The following DPYSL2 variants were observed in gnomAD, a reference collection of about 807,000 sequenced individuals.
The protein encoded by DPYSL2 is dihydropyrimidinase like 2.
A neutral mutation model predicts 69.9 loss-of-function variants in DPYSL2; 13 were observed. The observed-to-expected ratio is 0.19, with a 90% CI of 0.12 to 0.30. DPYSL2 has a LOEUF of 0.30. Ranked by LOEUF, DPYSL2 falls within the 10% of genes least tolerant of loss-of-function variation. The probability of loss-of-function intolerance (pLI) is 1.00; values close to 1 mark genes in which losing one functional copy is unlikely to be tolerated. For missense variants in DPYSL2, 587 were observed against 918.9 expected (o/e 0.64, Z 4.67); for synonymous variants, 326 against 359.1 (o/e 0.91, Z 1.04).
chr8:26,612,587 C>T (rs1292446746), intron 3 of DPYSL2, among the ~76,000 whole-genome samples: 1 of 152,168 alleles, frequency 6.6e-6, no homozygotes, highest in Non-Finnish European at 1.5e-5. Flanking sequence ...TGTGGTGGCT[C>T]ACGCCTGTAA....
chr8:26,606,961 C>G (rs1321075858), intron 3 of DPYSL2, among the ~76,000 whole-genome samples: 1 of 152,148 alleles, frequency 6.6e-6, no homozygotes, highest in Non-Finnish European at 1.5e-5. Flanking sequence ...ATGGCCCTTT[C>G]TGGAGGGTAA....
intron 1 of DPYSL2, chr8:26,548,242 T>G: frequency 4.8e-6 from 1 of 208,144 alleles, no homozygotes; most frequent in African/African-American, 2.3e-5. Flanking sequence ...TGTAATGGAT[T>G]ATTACCAGGC....
chr8:26,565,029 T>C lies in DPYSL2; in HGVS notation c.355-16940T>C, dbSNP rs1291286273. On this transcript the variant is annotated intron_variant, in intron 1 of 13. Transcript: ENST00000521913. This position sits in a 1 kb window ranked among gnomAD's most constrained non-coding sequence, Gnocchi z 4.1. ...ATAAGTGAGAACATACAGTGTTTAG[T>C]TTTCCACTCTTGTGTTACTTCACTT... Among the ~76,000 whole-genome samples the C allele has an allele frequency of 6.6e-6, 1 of 152,214 alleles. No homozygotes were observed. Among genetic ancestry groups the C allele is most frequent in the Non-Finnish European group, 1.5e-5 (1 of 68,042 alleles).
rs77991799 is a variant in DPYSL2, at chr8:26,617,084, C to T, written c.629-7059C>T. Among the ~76,000 whole-genome samples the T allele has an allele frequency of 3.2e-3, 494 of 152,312 alleles. No individual in the cohort carries two copies. Among genetic ancestry groups the T allele is most frequent in the Middle Eastern group, 6.8e-3 (2 of 294 alleles). On this transcript the variant is annotated intron_variant, in intron 3 of 13. Transcript: ENST00000521913. The surrounding 1 kb of genome is among the most constrained non-coding windows in gnomAD (Gnocchi z 4.7). ...TTTAATTACAAAGGGCCCCTTGAGA[C>T]CTTGTCAGAAATACTGCCAGCCTAG...
chr8:26,618,522 T>C (rs1279855910), intron 3 of DPYSL2, among the ~76,000 whole-genome samples: 5 of 148,888 alleles, frequency 3.4e-5, no homozygotes, highest in Non-Finnish European at 7.4e-5. Flanking sequence ...TCTCACTATG[T>C]TACCCAGGCT....
rs533272134 is a variant in DPYSL2, at chr8:26,587,214, C to G, written c.628+3231C>G. Reference sequence around the variant, plus strand: ...ATGCCACTTCATTGGCACCTAAGACCTGCTACTTTCTTTGACTTAATATAT... The same window carrying G: ...ATGCCACTTCATTGGCACCTAAGACGTGCTACTTTCTTTGACTTAATATAT... On this transcript the variant is annotated intron_variant, in intron 3 of 13. Coordinates refer to ENST00000521913, the MANE Select transcript of DPYSL2 (RefSeq NM_001197293.3). This position sits in a 1 kb window ranked among gnomAD's most constrained non-coding sequence, Gnocchi z 4.2. Among the ~76,000 whole-genome samples, 3 of 152,350 alleles carry G rather than the reference C, an allele frequency of 2.0e-5. No individual in the cohort carries two copies. Among genetic ancestry groups the G allele is most frequent in the African/African-American group, 7.2e-5 (3 of 41,596 alleles).
intron 1 of DPYSL2, among the ~76,000 whole-genome samples, chr8:26,558,161 T>C (rs571375588): frequency 4.3e-4 from 66 of 152,290 alleles, no homozygotes; most frequent in African/African-American, 1.6e-3. Flanking sequence ...AGCAGCTTTA[T>C]TCATGATTGC....
At chr8:26,553,345 A>G (rs1329320888) in intron 1 of DPYSL2, among the ~76,000 whole-genome samples, 1 of 138,996 alleles carries the variant, frequency 7.2e-6, no homozygotes, top group African/African-American at 2.6e-5. Context: ...CTAGTACCCA[A>G]TACTTATTTT....
intron 1 of DPYSL2, among the ~76,000 whole-genome samples, chr8:26,529,738 T>C (rs1001691770): frequency 4.0e-5 from 6 of 151,546 alleles, no homozygotes; most frequent in Admixed American, 1.3e-4. Context: ...ATTTTTTTTT[T>C]TTTTTTTTTT....
Position 26,626,504 on chromosome 8 carries a change from CACACACACACACACACACGT to C in DPYSL2, c.794-103_794-84del. Reference sequence around the variant, plus strand: ...TGAAACACACACACACACACACACACACACACACACACACACACGTACACACACAGACAGTATTATCACTT... The same window carrying C: ...TGAAACACACACACACACACACACACACACACACAGACAGTATTATCACTT... On this transcript the variant is annotated intron_variant, in intron 4 of 13. Transcript: ENST00000521913. This position sits in a 1 kb window ranked among gnomAD's most constrained non-coding sequence, Gnocchi z 4.3. 1.2e-6 allele frequency: 1 copy of C among 821,896 alleles called. No homozygotes were observed. Among genetic ancestry groups the C allele is most frequent in the Non-Finnish European group, 2.0e-6 (1 of 502,622 alleles). The allele number at this position is 821,896 out of a possible 1,614,324, so 50.9% of individuals were successfully genotyped here.
chr8:26,581,764 A>G (rs563769304), intron 1 of DPYSL2, among the ~76,000 whole-genome samples: 28 of 151,866 alleles, frequency 1.8e-4, no homozygotes, highest in African/African-American at 6.8e-4. Context: ...TTTATCTAGG[A>G]TAAGCTGTCC....
chr8:26,618,480 TG>T (rs541654953), intron 3 of DPYSL2, among the ~76,000 whole-genome samples: 8 of 100,606 alleles, frequency 8.0e-5, no homozygotes, highest in Non-Finnish European at 1.3e-4. Flanking sequence ...GCCCGGGTAA[TG>T]TTTTTTTTTT....
rs1481226838 is a variant in DPYSL2 at position 26,650,892 on chromosome 8, A to G, written c.1597-1365A>G. ...TGGTCCAGAACAATGTCAAGCTGAG[A>G]ATTTACTGTAAAATGCCCTCAGTGG... On this transcript the variant is annotated intron_variant, in intron 11 of 13. Transcript: ENST00000521913. The surrounding 1 kb of genome is among the most constrained non-coding windows in gnomAD (Gnocchi z 5.3). Among the ~76,000 whole-genome samples the G allele has an allele frequency of 2.0e-5, 3 of 152,190 alleles. No individual in the cohort carries two copies. The highest frequency in any genetic ancestry group is 4.4e-5 in the Non-Finnish European group (3 of 68,032).
intron 1 of DPYSL2, among the ~76,000 whole-genome samples, chr8:26,524,787 G>T (rs1808447776): frequency 9.7e-6 from 1 of 102,756 alleles, no homozygotes; most frequent in Non-Finnish European, 1.7e-5. Context: ...GAAGGACAGA[G>T]AGAGACTCTG....
chr8:26,582,876 T>C lies in DPYSL2; in HGVS notation c.443+819T>C, dbSNP rs947659154. 2.6e-5 allele frequency among the ~76,000 whole-genome samples: 4 copies of C among 152,234 alleles called. No individual in the cohort carries two copies. The highest frequency in any genetic ancestry group is 5.9e-5 in the Non-Finnish European group (4 of 68,036). Reference sequence around the variant, plus strand: ...AACTGGAGTGGCTGTGACTGTTGCCTGGGAGCTCACACCCAGATTTATGAA... The same window carrying C: ...AACTGGAGTGGCTGTGACTGTTGCCCGGGAGCTCACACCCAGATTTATGAA... On this transcript the variant is annotated intron_variant, in intron 2 of 13. Transcript: ENST00000521913. The surrounding 1 kb of genome is among the most constrained non-coding windows in gnomAD (Gnocchi z 4.1).
Position 26,653,334 on chromosome 8 carries a change from T to A in DPYSL2, c.1879T>A (p.Ser627Thr). The A allele has an allele frequency of 6.2e-7, 1 of 1,614,048 alleles. No individual in the cohort carries two copies. Among genetic ancestry groups the A allele is most frequent in the South Asian group, 1.1e-5 (1 of 91,068 alleles). ...TVTPASSAKT[S>T]PAKQQAPPVR... ...CACTCCAGCCTCCTCGGCCAAGACG[T>A]CTCCTGCCAAGCAGCAGGCCCCACC... The change falls in exon 13 of 14, where the codon TCT becomes ACT. Residue 627 changes from serine (S) to threonine (T), a missense_variant. Coordinates refer to ENST00000521913, the MANE Select transcript of DPYSL2 (RefSeq NM_001197293.3). The surrounding 1 kb of genome is among the most constrained non-coding windows in gnomAD (Gnocchi z 5.7).
At position 26,593,193 on chromosome 8, in the gene DPYSL2, G is replaced by A. The variant is rs1428272367; in HGVS notation, c.628+9210G>A. Among the ~76,000 whole-genome samples the A allele has an allele frequency of 1.3e-5, 2 of 152,138 alleles. No homozygotes were observed. The highest frequency in any genetic ancestry group is 2.9e-5 in the Non-Finnish European group (2 of 68,034). ...CTGGGGGTTGGGTCGCGGTGGCTGA[G>A]GCTGCTGTCCAGTTAAGAGAATTTT... On this transcript the variant is annotated intron_variant, in intron 3 of 13. Transcript: ENST00000521913. The surrounding 1 kb of genome is among the most constrained non-coding windows in gnomAD (Gnocchi z 5.7).
At chr8:26,531,316 T>G (rs1800508230) in intron 1 of DPYSL2, among the ~76,000 whole-genome samples, 1 of 152,060 alleles carries the variant, frequency 6.6e-6, no homozygotes, top group East Asian at 1.9e-4. Context: ...CGGGGGCTCA[T>G]GGAAGTTCCC....
rs540294057 is a variant in DPYSL2, at chr8:26,608,689, A to G, written c.629-15454A>G. Among the ~76,000 whole-genome samples, 5 of 152,342 alleles carry G rather than the reference A, an allele frequency of 3.3e-5. No homozygotes were observed. The South Asian group carries it at 6.2e-4, about 19-fold the overall frequency. ...CTTTTATTCATAGTCTTACTAATCA[A>G]CTGGGGACAAAAAAGACCCATTGAA... On this transcript the variant is annotated intron_variant, in intron 3 of 13. Transcript: ENST00000521913.
Sources: gnomAD v4.1 joint callset for allele counts (sites outside exome capture counted in the v4.1 genomes callset) on GRCh38, gnomAD v4.1.1 for gene constraint, Gnocchi (gnomAD v3.1) non-coding constraint, MANE v1.5 for transcripts, NCBI Gene and HGNC (gene_info 2026-07-23, HGNC 2026-07-21) for gene names.